AUTS2: variants seen among roughly 807,000 people sequenced by gnomAD.
AUTS2 encodes activator of transcription and developmental regulator AUTS2.
Under a neutral mutation model 112.4 loss-of-function variants are expected in AUTS2, and 17 were observed. That is an observed-to-expected ratio of 0.15 (90% confidence interval 0.10 to 0.23). The LOEUF (loss-of-function observed/expected upper bound fraction) is 0.23, where lower values mean the gene tolerates loss of function less well. Ranked by LOEUF, AUTS2 falls within the 10% of genes least tolerant of loss-of-function variation. AUTS2 has a pLI of 1.00. For missense variants in AUTS2, 1,510 were observed against 1,701.6 expected (o/e 0.89, Z 1.98); for synonymous variants, 751 against 702.7 (o/e 1.07, Z -1.09).
chr7:69,655,509 G>T (rs1257653344), intron 1 of AUTS2, among the ~76,000 whole-genome samples: 1 of 152,236 alleles, frequency 6.6e-6, no homozygotes, highest in African/African-American at 2.4e-5. Context: ...GCCCACCCCA[G>T]ACCTACTGAA....
At chr7:69,696,631 T>C (rs773050261) in intron 1 of AUTS2, among the ~76,000 whole-genome samples, 35 of 152,168 alleles carry the variant, frequency 2.3e-4, no homozygotes, top group Non-Finnish European at 1.5e-4. Flanking sequence ...AGGAGATCTT[T>C]GCTGAATGTC....
chr7:70,631,182 T>A lies in AUTS2; in HGVS notation c.691-67387T>A, dbSNP rs1466118746. On this transcript the variant is annotated intron_variant, in intron 5 of 18. Coordinates refer to ENST00000342771, the MANE Select transcript of AUTS2 (RefSeq NM_015570.4). The surrounding 1 kb of genome is among the most constrained non-coding windows in gnomAD (Gnocchi z 4.5). The stretch of plus-strand genomic sequence containing the variant: ...CCAGCCAGCTCCCACAAAAGCACGA[T>A]TAAAATGTCAGCACAGGATGACGAA... 6.6e-6 allele frequency among the ~76,000 whole-genome samples: 1 copy of A among 152,072 alleles called. No homozygotes were observed. The highest frequency in any genetic ancestry group is 1.5e-5 in the Non-Finnish European group (1 of 68,012).
intron 5 of AUTS2, among the ~76,000 whole-genome samples, chr7:70,672,817 G>A (rs1432266538): frequency 6.6e-6 from 1 of 152,058 alleles, no homozygotes; most frequent in East Asian, 1.9e-4. Context: ...TGGCCAGGAT[G>A]GTCTCAATCT....
chr7:69,988,969 G>A (rs930900596), intron 2 of AUTS2, among the ~76,000 whole-genome samples: 4 of 152,094 alleles, frequency 2.6e-5, no homozygotes, highest in Non-Finnish European at 5.9e-5. Flanking sequence ...GAAAGGGGCA[G>A]GAAAAAAGAA....
chr7:70,596,237 C>T (rs376207783), intron 5 of AUTS2: 8 of 152,534 alleles, frequency 5.2e-5, no homozygotes, highest in African/African-American at 1.9e-4. Context: ...GCGGGTAGAT[C>T]GCTCGCGTCT....
chr7:70,455,416 C>T (rs1796696555), intron 5 of AUTS2, among the ~76,000 whole-genome samples: 2 of 152,238 alleles, frequency 1.3e-5, no homozygotes, highest in South Asian at 2.1e-4. Context: ...GGCCCTGGCT[C>T]ATTCGTCTGA....
intron 5 of AUTS2, among the ~76,000 whole-genome samples, chr7:70,610,423 CTTTTTTTTTTT>C (rs3054735): frequency 1.0e-4 from 8 of 77,442 alleles, no homozygotes; most frequent in East Asian, 3.9e-4. Flanking sequence ...TAGCGCTCAT[CTTTTTTTTTTT>C]TTTTTTTTTT....
chr7:69,756,377 A>G (rs1440982168), intron 1 of AUTS2, among the ~76,000 whole-genome samples: 1 of 152,220 alleles, frequency 6.6e-6, no homozygotes, highest in Non-Finnish European at 1.5e-5. Context: ...TCAGCAAGCA[A>G]AATATTGGCA....
At chr7:69,936,314 C>G (rs1339869982) in intron 2 of AUTS2, among the ~76,000 whole-genome samples, 3 of 152,090 alleles carry the variant, frequency 2.0e-5, no homozygotes, top group Non-Finnish European at 4.4e-5. Flanking sequence ...TTGGCTTACA[C>G]CATCTGCCCA....
intron 1 of AUTS2, among the ~76,000 whole-genome samples, chr7:69,842,369 C>T (rs1305730472): frequency 6.6e-6 from 1 of 152,146 alleles, no homozygotes; most frequent in African/African-American, 2.4e-5. Context: ...AAAGCACATA[C>T]CTTAGGACAT....
chr7:69,782,298 G>A (rs942138030), intron 1 of AUTS2, among the ~76,000 whole-genome samples: 4 of 152,008 alleles, frequency 2.6e-5, no homozygotes, highest in Non-Finnish European at 5.9e-5. Context: ...GGGAGATCGA[G>A]GCTGGAGTGA....
At chr7:70,779,503 G>C (rs140640264) in intron 14 of AUTS2, among the ~76,000 whole-genome samples, 9 of 152,178 alleles carry the variant, frequency 5.9e-5, no homozygotes, top group Non-Finnish European at 1.0e-4. Context: ...GGAGGTGCAC[G>C]GGTAGCTTTT....
intron 4 of AUTS2, among the ~76,000 whole-genome samples, chr7:70,323,197 T>C (rs916316373): frequency 3.9e-4 from 59 of 152,204 alleles, no homozygotes; most frequent in African/African-American, 1.4e-3. Context: ...CTGAAATTGC[T>C]TGGTTTCTAC....
intron 2 of AUTS2, among the ~76,000 whole-genome samples, chr7:69,977,803 T>C (rs1157923015): frequency 6.6e-6 from 1 of 152,216 alleles, no homozygotes; most frequent in Non-Finnish European, 1.5e-5. Flanking sequence ...GATGACATCA[T>C]ATATCATATC....
At chr7:70,704,813 C>A (rs1220390727) in intron 6 of AUTS2, among the ~76,000 whole-genome samples, 1 of 152,210 alleles carries the variant, frequency 6.6e-6, no homozygotes, top group Admixed American at 6.5e-5. Flanking sequence ...ATGTTGTTTT[C>A]TCTGAATATG....
chr7:70,006,276 G>A (rs569089817), intron 2 of AUTS2, among the ~76,000 whole-genome samples: 47 of 152,118 alleles, frequency 3.1e-4, no homozygotes, highest in South Asian at 6.2e-4. Flanking sequence ...TTTTCCTTCC[G>A]TGGTGACACT....
At chr7:70,328,150 C>G (rs1481256494) in intron 4 of AUTS2, among the ~76,000 whole-genome samples, 1 of 152,184 alleles carries the variant, frequency 6.6e-6, no homozygotes, top group African/African-American at 2.4e-5. Context: ...TAGGCATATA[C>G]TCTCTACTCC....
At chr7:70,511,563 T>C (rs1477797444) in intron 5 of AUTS2, among the ~76,000 whole-genome samples, 8 of 38,212 alleles carry the variant, frequency 2.1e-4, no homozygotes, top group African/African-American at 1.3e-3. Flanking sequence ...TTCATTTTCT[T>C]TTTTTTTTTT....
At chr7:70,049,923 C>T (rs921171145) in intron 2 of AUTS2, among the ~76,000 whole-genome samples, 6 of 151,802 alleles carry the variant, frequency 4.0e-5, no homozygotes, top group East Asian at 1.9e-4. Context: ...AGATACATTA[C>T]GAAGATAATT....
Sources: allele counts gnomAD v4.1 joint callset (sites outside exome capture counted in the v4.1 genomes callset), GRCh38; gene constraint gnomAD v4.1.1; non-coding constraint Gnocchi (gnomAD v3.1); transcripts MANE v1.5; gene names NCBI Gene and HGNC (gene_info 2026-07-23, HGNC 2026-07-21).